Variants in ZNF385D observed in about 807,000 individuals in gnomAD.
The protein encoded by ZNF385D is zinc finger protein 659.
Under a neutral mutation model 35.8 loss-of-function variants are expected in ZNF385D, and 15 were observed. That is an observed-to-expected ratio of 0.42 (90% CI 0.28 to 0.64). ZNF385D has a LOEUF of 0.64. Ranked by LOEUF, ZNF385D falls within the 30% of genes least tolerant of loss-of-function variation. The pLI is 0.23. For missense variants in ZNF385D, 474 were observed against 494.6 expected, an observed-to-expected ratio of 0.96 and a Z score of 0.39; for synonymous variants, 212 against 186.8, an observed-to-expected ratio of 1.13 and a Z score of -1.10.
At chr3:21,643,728 T>C (rs555227303) in intron 2 of ZNF385D, among the ~76,000 whole-genome samples, 22 of 152,234 alleles carry the variant, frequency 1.4e-4, no homozygotes, top group African/African-American at 4.8e-4. Context: ...CTTAATGATG[T>C]GTAGAAATGG....
chr3:21,434,477 G>C (rs1195794010), intron 5 of ZNF385D, among the ~76,000 whole-genome samples: 1 of 152,090 alleles, frequency 6.6e-6, no homozygotes, highest in African/African-American at 2.4e-5. Context: ...CCACACCCTA[G>C]GGAGAAGATA....
At chr3:21,456,871 C>T (rs895562510) in intron 4 of ZNF385D, among the ~76,000 whole-genome samples, 4 of 152,148 alleles carry the variant, frequency 2.6e-5, no homozygotes, top group African/African-American at 9.7e-5. Flanking sequence ...TGAGGTTGTA[C>T]ACCATCACTC....
intron 2 of ZNF385D, among the ~76,000 whole-genome samples, chr3:22,210,220 G>A (rs1199170073): frequency 6.6e-6 from 1 of 151,748 alleles, no homozygotes; most frequent in African/African-American, 2.4e-5. Context: ...TAAAGATATA[G>A]CTTCAAATGT....
intron 3 of ZNF385D, among the ~76,000 whole-genome samples, chr3:22,008,371 T>TTTTTTTTTTC (rs1696352019): frequency 1.3e-5 from 2 of 150,622 alleles, no homozygotes; most frequent in African/African-American, 4.9e-5. Flanking sequence ...TTTTTTTTTT[T>TTTTTTTTTTC]TGAGGCGGAG....
intron 1 of ZNF385D, among the ~76,000 whole-genome samples, chr3:21,687,722 G>C (rs1304069568): frequency 6.6e-6 from 1 of 152,016 alleles, no homozygotes; most frequent in East Asian, 1.9e-4. Flanking sequence ...CTCTTAATAT[G>C]TTTTTGACTA....
intron 3 of ZNF385D, among the ~76,000 whole-genome samples, chr3:22,152,196 A>G (rs1291276640): frequency 6.6e-6 from 1 of 152,036 alleles, no homozygotes; most frequent in Admixed American, 6.6e-5. Flanking sequence ...GTTCTTTTTT[A>G]TGGCTGCATA....
intron 3 of ZNF385D, among the ~76,000 whole-genome samples, chr3:22,073,090 C>G (rs1488922313): frequency 6.6e-6 from 1 of 151,974 alleles, no homozygotes; most frequent in East Asian, 1.9e-4. Context: ...ATGTAGCAAT[C>G]CATAAGGGCA....
intron 3 of ZNF385D, among the ~76,000 whole-genome samples, chr3:22,101,564 A>G (rs762858547): frequency 3.4e-4 from 52 of 152,234 alleles, no homozygotes; most frequent in Admixed American, 3.9e-4. Flanking sequence ...CCATTTCTCT[A>G]TAAGTTCTAT....
intron 3 of ZNF385D, among the ~76,000 whole-genome samples, chr3:21,980,656 C>T (rs73048155): frequency 0.12 from 18,000 of 152,114 alleles, 1,354 homozygotes; most frequent in Non-Finnish European, 0.17. Context: ...CACACTATTT[C>T]GTCATCCAGC....
chr3:22,318,024 T>A (rs116548053), intron 2 of ZNF385D, among the ~76,000 whole-genome samples: 1 of 151,752 alleles, frequency 6.6e-6, no homozygotes, highest in Non-Finnish European at 1.5e-5. Context: ...CGCTACTGCA[T>A]TCCAGCCTGG....
intron 3 of ZNF385D, among the ~76,000 whole-genome samples, chr3:22,048,022 T>C (rs145997720): frequency 6.6e-6 from 1 of 152,316 alleles, no homozygotes; most frequent in East Asian, 1.9e-4. Flanking sequence ...TTTCATTTAC[T>C]TGTGGTCATT....
chr3:22,023,131 C>G (rs1697324487), intron 3 of ZNF385D, among the ~76,000 whole-genome samples: 1 of 152,074 alleles, frequency 6.6e-6, no homozygotes, highest in Admixed American at 6.6e-5. Flanking sequence ...ATGGAGGGCA[C>G]AGAATCACAA....
At chr3:21,559,920 T>C (rs1409870294) in intron 3 of ZNF385D, among the ~76,000 whole-genome samples, 4 of 152,218 alleles carry the variant, frequency 2.6e-5, no homozygotes, top group African/African-American at 9.6e-5. Context: ...CTTCAAGCTC[T>C]GATATCCTTT....
chr3:21,680,930 A>G (rs12152283), intron 1 of ZNF385D, among the ~76,000 whole-genome samples: 7,671 of 152,228 alleles, frequency 0.05, 280 homozygotes, highest in East Asian at 0.13. Context: ...AGTCCCTTAC[A>G]TCGCAATGTT....
Position 21,817,666 on chromosome 3 carries a change from T to C in ZNF385D, c.326-152638A>G, listed in dbSNP as rs540704804. Among the ~76,000 whole-genome samples the C allele has an allele frequency of 1.9e-3, 285 of 152,194 alleles. 1 individual carries two copies. The highest frequency in any genetic ancestry group is 6.5e-3 in the African/African-American group (268 of 41,534). The stretch of plus-strand genomic sequence containing the variant: ...GTTAGAATGGAGATCATTAAAAAGT[T>C]GGGAAACAACAGGTGCTGGAGAGGA... On this transcript the variant is annotated intron_variant, in intron 3 of 5. Coordinates refer to the ZNF385D transcript ENST00000494108.
intron 3 of ZNF385D, among the ~76,000 whole-genome samples, chr3:21,871,402 T>C (rs940546750): frequency 3.3e-5 from 5 of 152,154 alleles, no homozygotes; most frequent in African/African-American, 9.7e-5. Context: ...ATTAATACTA[T>C]TGAAAATTTA....
chr3:21,664,789 A>T (rs1256604471), intron 2 of ZNF385D, 97 bp downstream of exon 2: 1 of 1,519,216 alleles, frequency 6.6e-7, no homozygotes, highest in Non-Finnish European at 9.1e-7. Context: ...AATGAACAAT[A>T]TAGCAAAATG....
intron 1 of ZNF385D, among the ~76,000 whole-genome samples, chr3:21,717,775 C>G (rs181191432): frequency 2.0e-5 from 3 of 152,148 alleles, no homozygotes; most frequent in African/African-American, 4.8e-5. Context: ...GTAAAACGTG[C>G]CTTTCACCTT....
At chr3:21,999,489 G>T (rs943018541) in intron 3 of ZNF385D, among the ~76,000 whole-genome samples, 4 of 151,896 alleles carry the variant, frequency 2.6e-5, no homozygotes, top group African/African-American at 7.3e-5. Flanking sequence ...AACATTTTGG[G>T]GCTTTGTCTT....
Sources: gnomAD v4.1 joint callset for allele counts (sites outside exome capture counted in the v4.1 genomes callset) on GRCh38, gnomAD v4.1.1 for gene constraint, MANE v1.5 for transcripts, NCBI Gene and HGNC (gene_info 2026-07-23, HGNC 2026-07-21) for gene names.